The following HIVEP3 variants were observed in gnomAD, a reference collection of about 807,000 sequenced individuals.
The protein encoded by HIVEP3 is transcription factor HIVEP3.
Under a neutral mutation model 152.8 loss-of-function variants are expected in HIVEP3, and 49 were observed. The ratio of observed to expected loss-of-function variants is 0.32; its 90% CI spans 0.26 to 0.41. The LOEUF is 0.41. Among genes scored for constraint, HIVEP3 ranks in the 10% least tolerant of loss-of-function variants. The pLI is 1.00. For missense variants in HIVEP3, 2,790 were observed against 3,103.3 expected, an observed-to-expected ratio of 0.90 and a Z score of 2.40; for synonymous variants, 1,269 against 1,289.0, an observed-to-expected ratio of 0.98 and a Z score of 0.33.
At chr1:41,871,228 G>A (rs1644073185) in intron 1 of HIVEP3, among the ~76,000 whole-genome samples, 1 of 152,202 alleles carries the variant, frequency 6.6e-6, no homozygotes, top group African/African-American at 2.4e-5. Flanking sequence ...CTATAGAGGT[G>A]ATGATGCCTT....
At chr1:42,004,791 T>C (rs1015515400) in intron 1 of HIVEP3, among the ~76,000 whole-genome samples, 30 of 152,204 alleles carry the variant, frequency 2.0e-4, no homozygotes, top group African/African-American at 7.2e-4. Flanking sequence ...AGCTCCACCC[T>C]GGACCTACTG....
chr1:41,910,382 T>C (rs1479905776), intron 1 of HIVEP3, among the ~76,000 whole-genome samples: 1 of 151,958 alleles, frequency 6.6e-6, no homozygotes. Context: ...AAAACCTGAA[T>C]ACCCATGATC....
chr1:42,015,305 T>G (rs1210243322), intron 1 of HIVEP3, among the ~76,000 whole-genome samples: 2 of 152,164 alleles, frequency 1.3e-5, no homozygotes, highest in African/African-American at 4.8e-5. Flanking sequence ...ATTCAAGGTC[T>G]CTCCTCCAAC....
chr1:41,693,214 T>A (rs1203824691), intron 2 of HIVEP3, among the ~76,000 whole-genome samples: 1 of 152,220 alleles, frequency 6.6e-6, no homozygotes, highest in Non-Finnish European at 1.5e-5. Flanking sequence ...TGTTTAGAAG[T>A]GAACTACTGA....
At chr1:41,943,542 CT>C (rs1557532652) in intron 1 of HIVEP3, among the ~76,000 whole-genome samples, 2 of 152,194 alleles carry the variant, frequency 1.3e-5, no homozygotes. Flanking sequence ...TCCCACTTCA[CT>C]TTCTGAGGCC....
intron 1 of HIVEP3, among the ~76,000 whole-genome samples, chr1:41,704,163 A>G (rs1238362601): frequency 1.3e-5 from 2 of 152,220 alleles, no homozygotes; most frequent in South Asian, 2.1e-4. Context: ...CACAGTAACA[A>G]TGAGCTTACA....
intron 1 of HIVEP3, among the ~76,000 whole-genome samples, chr1:41,764,066 C>G (rs1217372990): frequency 1.3e-5 from 2 of 152,094 alleles, no homozygotes; most frequent in Non-Finnish European, 2.9e-5. Context: ...CCCTGGTGTC[C>G]CAGCTATAGA....
At chr1:41,966,475 C>CTTTTTTTTTTTTTTTTTTTTTTTTTTT (rs58470482) in intron 1 of HIVEP3, among the ~76,000 whole-genome samples, 1 of 95,810 alleles carries the variant, frequency 1.0e-5, no homozygotes. Flanking sequence ...GTGCTGTATT[C>CTTTTTTTTTTTTTTTTTTTTTTTTTTT]TTTTTTTTTT....
At chr1:41,931,251 A>G (rs1321041987) in intron 1 of HIVEP3, among the ~76,000 whole-genome samples, 1 of 151,978 alleles carries the variant, frequency 6.6e-6, no homozygotes, top group East Asian at 1.9e-4. Flanking sequence ...CATCTTTTAC[A>G]TTTAGATCTA....
Position 41,628,953 on chromosome 1 carries a change from G to A in HIVEP3, c.-720-6C>T, listed in dbSNP as rs1645155591. 1 of 1,229,922 alleles carries A rather than the reference G, an allele frequency of 8.1e-7. No homozygotes were observed. Among genetic ancestry groups the A allele is most frequent in the Non-Finnish European group, 1.0e-6 (1 of 987,210 alleles). 76.2% of individuals were successfully genotyped at this position (1,229,922 alleles called of 1,614,324 possible). A position where few individuals can be genotyped will look rare whatever the true frequency, so the allele number is the denominator to read the frequency against. On this transcript the variant is annotated splice_region_variant and splice_polypyrimidine_tract_variant and intron_variant, in intron 2 of 8. Coordinates refer to ENST00000372583, the MANE Select transcript of HIVEP3 (RefSeq NM_024503.5). ...CTGGGTTTGTGCCTCGAATCCTGCA[G>A]GAGATGATTGAGAAACATGGTCAAA... is the stretch of plus-strand genomic sequence containing the variant.
intron 1 of HIVEP3, among the ~76,000 whole-genome samples, chr1:41,837,580 C>T (rs1042674977): frequency 6.6e-6 from 1 of 152,200 alleles, no homozygotes; most frequent in African/African-American, 2.4e-5. Context: ...CTTGCCTTGG[C>T]CTCCCAAAGT....
intron 1 of HIVEP3, among the ~76,000 whole-genome samples, chr1:41,958,552 G>T (rs766826720): frequency 1.3e-5 from 2 of 152,146 alleles, no homozygotes; most frequent in South Asian, 4.1e-4. Context: ...CAGGGCCGGG[G>T]GTCACAAGCT....
At chr1:41,665,097 C>T (rs1247445422) in intron 2 of HIVEP3, among the ~76,000 whole-genome samples, 2 of 152,188 alleles carry the variant, frequency 1.3e-5, no homozygotes, top group African/African-American at 2.4e-5. Flanking sequence ...CACTTCAAGA[C>T]TCAGCCCCCA....
intron 7 of HIVEP3, among the ~76,000 whole-genome samples, chr1:41,514,783 T>A (rs1053338024): frequency 6.6e-6 from 1 of 152,260 alleles, no homozygotes; most frequent in East Asian, 1.9e-4. Flanking sequence ...AAAATTGTGA[T>A]ACTTGTTTCA....
At chr1:41,852,729 G>A (rs948073225) in intron 1 of HIVEP3, among the ~76,000 whole-genome samples, 1 of 152,214 alleles carries the variant, frequency 6.6e-6, no homozygotes, top group Admixed American at 6.5e-5. Context: ...GTGTCCTCAT[G>A]TTACAGAAAT....
chr1:41,738,924 C>T (rs1056600998), intron 1 of HIVEP3, among the ~76,000 whole-genome samples: 7 of 152,172 alleles, frequency 4.6e-5, no homozygotes, highest in South Asian at 2.1e-4. Flanking sequence ...ATCTTTTCTC[C>T]GTTGGTAATG....
chr1:42,028,581 C>G (rs1645595150), intron 1 of HIVEP3, among the ~76,000 whole-genome samples: 1 of 152,120 alleles, frequency 6.6e-6, no homozygotes, highest in Non-Finnish European at 1.5e-5. Context: ...CTTTCTTAGT[C>G]CAAAAACCTA....
intron 1 of HIVEP3, among the ~76,000 whole-genome samples, chr1:41,720,912 G>A (rs1646664434): frequency 6.6e-6 from 1 of 152,218 alleles, no homozygotes; most frequent in Admixed American, 6.5e-5. Context: ...GGATGAACCT[G>A]GAGGACATTA....
At chr1:41,542,506 TGA>T (rs1168988529) in intron 5 of HIVEP3, 1 of 152,274 alleles carries the variant, frequency 6.6e-6, no homozygotes, top group Non-Finnish European at 1.5e-5. Context: ...TCTCTCCTGA[TGA>T]GAGTCTTGTC....
Sources: gnomAD v4.1 joint callset for allele counts (sites outside exome capture counted in the v4.1 genomes callset) on GRCh38, gnomAD v4.1.1 for gene constraint, MANE v1.5 for transcripts, NCBI Gene and HGNC (gene_info 2026-07-23, HGNC 2026-07-21) for gene names.